The following NEGR1 variants were observed in gnomAD, a reference collection of about 807,000 sequenced individuals.
The protein encoded by NEGR1 is neuronal growth regulator 1, also known as IgLON family member 4.
In NEGR1, 10 loss-of-function variants were observed where a neutral mutation model predicts 40.9. That is an observed-to-expected ratio of 0.24 (90% CI 0.15 to 0.42). NEGR1 has a LOEUF of 0.42. Among genes scored for constraint, NEGR1 ranks in the 10% least tolerant of loss-of-function variants. The pLI is 1.00. For missense variants in NEGR1, 352 were observed against 438.9 expected (o/e 0.80, Z 1.77); for synonymous variants, 185 against 166.8 (o/e 1.11, Z -0.84).
chr1:71,731,416 G>C (rs1205991013), intron 3 of NEGR1, among the ~76,000 whole-genome samples: 1 of 152,106 alleles, frequency 6.6e-6, no homozygotes, highest in East Asian at 1.9e-4. Context: ...ATTCACCCTG[G>C]TGTCTGAAAT....
chr1:71,413,956 A>G (rs1646339570), intron 6 of NEGR1, among the ~76,000 whole-genome samples: 1 of 152,166 alleles, frequency 6.6e-6, no homozygotes, highest in Non-Finnish European at 1.5e-5. Flanking sequence ...TACAATACCA[A>G]TTACTTCCCT....
At chr1:72,161,932 T>A (rs1190272670) in intron 1 of NEGR1, among the ~76,000 whole-genome samples, 1 of 151,808 alleles carries the variant, frequency 6.6e-6, no homozygotes, top group African/African-American at 2.4e-5. Flanking sequence ...CCTCAAGTGA[T>A]CCACTTGCCT....
intron 2 of NEGR1, among the ~76,000 whole-genome samples, chr1:71,844,265 G>A (rs1161071096): frequency 6.6e-6 from 1 of 152,134 alleles, no homozygotes; most frequent in East Asian, 1.9e-4. Flanking sequence ...AGAGCAGAAT[G>A]CAAGAATTTT....
At chr1:72,181,089 A>G (rs1652349965) in intron 1 of NEGR1, among the ~76,000 whole-genome samples, 1 of 152,140 alleles carries the variant, frequency 6.6e-6, no homozygotes, top group South Asian at 2.1e-4. Context: ...GGTAAAGAAC[A>G]CACTAGAACC....
At chr1:71,514,899 A>G in intron 6 of NEGR1, among the ~76,000 whole-genome samples, 4 of 106,926 alleles carry the variant, frequency 3.7e-5, no homozygotes, top group East Asian at 5.9e-4. Flanking sequence ...GGAGCTGAAA[A>G]CCAAGGCTCG....
intron 1 of NEGR1, among the ~76,000 whole-genome samples, chr1:72,118,017 A>G (rs1262274435): frequency 6.6e-6 from 1 of 151,862 alleles, no homozygotes; most frequent in Admixed American, 6.6e-5. Flanking sequence ...ACACTGCTGG[A>G]ATTCTCTTTG....
chr1:71,712,991 A>G lies in NEGR1; in HGVS notation c.536-14852T>C, dbSNP rs143397260. On this transcript the variant is annotated intron_variant, in intron 3 of 6. Coordinates refer to ENST00000357731, the MANE Select transcript of NEGR1 (RefSeq NM_173808.3). ...CAGCCTGTGGAACTGTGAGTCAGTT[A>G]AACATGTTTTCTTCATTAATTACCC... 5.9e-5 allele frequency among the ~76,000 whole-genome samples: 9 copies of G among 152,330 alleles called. No homozygotes were observed. In the East Asian group the frequency reaches 1.7e-3, roughly 29 times the overall value.
intron 6 of NEGR1, among the ~76,000 whole-genome samples, chr1:71,496,481 C>A (rs1205696382): frequency 6.6e-6 from 1 of 152,094 alleles, no homozygotes; most frequent in Non-Finnish European, 1.5e-5. Context: ...AGTTTGATAT[C>A]CTTTCCTTGT....
chr1:72,049,606 C>T (rs1647038219), intron 1 of NEGR1, among the ~76,000 whole-genome samples: 2 of 151,604 alleles, frequency 1.3e-5, no homozygotes, highest in Admixed American at 1.3e-4. Flanking sequence ...AATTTAGCCT[C>T]AAGCTCATTC....
At chr1:71,678,388 T>C (rs1652714956) in intron 4 of NEGR1, among the ~76,000 whole-genome samples, 1 of 152,202 alleles carries the variant, frequency 6.6e-6, no homozygotes, top group South Asian at 2.1e-4. Context: ...TTATATGTCA[T>C]GGTAAAAATG....
Position 71,513,607 on chromosome 1 carries a change from C to T in NEGR1, c.940+79210G>A, listed in dbSNP as rs928562321. ...TTGTAGACATTTTCTTAAAATATCT[C>T]AAAGTCCTATTAGGTATATGTTTTC... On this transcript the variant is annotated intron_variant, in intron 6 of 6. Coordinates refer to ENST00000357731, the MANE Select transcript of NEGR1 (RefSeq NM_173808.3). Among the ~76,000 whole-genome samples the T allele has an allele frequency of 3.3e-5, 5 of 152,140 alleles. No individual in the cohort carries two copies. In the South Asian group the frequency reaches 1.0e-3, roughly 32 times the overall value.
chr1:71,774,693 A>G (rs924854468), intron 3 of NEGR1, among the ~76,000 whole-genome samples: 1 of 152,166 alleles, frequency 6.6e-6, no homozygotes, highest in African/African-American at 2.4e-5. Context: ...TCACAAAAAA[A>G]AAATATGAAA....
At chr1:71,710,008 C>T (rs774929301) in intron 3 of NEGR1, among the ~76,000 whole-genome samples, 10 of 152,210 alleles carry the variant, frequency 6.6e-5, no homozygotes, top group Middle Eastern at 3.4e-3. Flanking sequence ...GGATTAATAA[C>T]CAGAATATAT....
chr1:71,833,494 A>G (rs1002045134), intron 2 of NEGR1, among the ~76,000 whole-genome samples: 5 of 151,996 alleles, frequency 3.3e-5, no homozygotes, highest in East Asian at 1.9e-4. Context: ...TTCTGGGGGG[A>G]AAAAAGTATT....
intron 4 of NEGR1, among the ~76,000 whole-genome samples, chr1:71,695,431 T>C (rs1480551977): frequency 6.6e-6 from 1 of 151,774 alleles, no homozygotes; most frequent in East Asian, 1.9e-4. Context: ...GACTTATAAC[T>C]GTACTTATCT....
At chr1:72,067,993 G>A (rs12132044) in intron 1 of NEGR1, among the ~76,000 whole-genome samples, 58,318 of 152,000 alleles carry the variant, frequency 0.38, 12,170 homozygotes, top group East Asian at 0.6. Flanking sequence ...ACACCATACT[G>A]CAAAGGAAAA....
intron 2 of NEGR1, among the ~76,000 whole-genome samples, chr1:71,846,159 T>C (rs1258314590): frequency 1.3e-5 from 2 of 152,016 alleles, no homozygotes; most frequent in Admixed American, 6.6e-5. Flanking sequence ...TTCTCTTCCT[T>C]ACTCTAGGGC....
intron 2 of NEGR1, among the ~76,000 whole-genome samples, chr1:71,858,056 C>T (rs1296413416): frequency 1.3e-5 from 2 of 151,970 alleles, no homozygotes; most frequent in African/African-American, 2.4e-5. Context: ...CTTTCTTCTA[C>T]CCTAATTTCC....
intron 2 of NEGR1, among the ~76,000 whole-genome samples, chr1:71,798,513 A>T (rs1657424294): frequency 6.6e-6 from 1 of 152,186 alleles, no homozygotes; most frequent in African/African-American, 2.4e-5. Flanking sequence ...TGCACCAAGA[A>T]CTATTCTAAC....
Sources: gnomAD v4.1 joint callset for allele counts (sites outside exome capture counted in the v4.1 genomes callset) on GRCh38, gnomAD v4.1.1 for gene constraint, MANE v1.5 for transcripts, NCBI Gene and HGNC (gene_info 2026-07-23, HGNC 2026-07-21) for gene names.